Variants in ETV6 observed in about 807,000 individuals in gnomAD.
ETV6 encodes ETS variant transcription factor 6.
A neutral mutation model predicts 51.1 loss-of-function variants in ETV6; 16 were observed. That is an observed-to-expected ratio of 0.31 (90% CI 0.21 to 0.48). ETV6 has a LOEUF of 0.48. Among genes scored for constraint, ETV6 ranks in the 20% least tolerant of loss-of-function variants. The pLI, the probability that ETV6 is intolerant of heterozygous loss-of-function variation, is 0.99. For missense variants in ETV6, 458 were observed against 594.8 expected, an observed-to-expected ratio of 0.77 and a Z score of 2.39; for synonymous variants, 240 against 224.1, an observed-to-expected ratio of 1.07 and a Z score of -0.64.
At chr12:11,796,938 C>T (rs1024254128) in intron 2 of ETV6, among the ~76,000 whole-genome samples, 1 of 152,100 alleles carries the variant, frequency 6.6e-6, no homozygotes, top group Non-Finnish European at 1.5e-5. Context: ...AAGCATGCCG[C>T]ACCATGCTCA....
At chr12:11,758,259 GA>G (rs1945034945) in intron 2 of ETV6, among the ~76,000 whole-genome samples, 1 of 152,166 alleles carries the variant, frequency 6.6e-6, no homozygotes, top group African/African-American at 2.4e-5. Flanking sequence ...GGGCTTCTTA[GA>G]AGTATCAGAG....
intron 3 of ETV6, among the ~76,000 whole-genome samples, chr12:11,846,251 A>AG (rs2136476767): frequency 6.6e-6 from 1 of 151,892 alleles, no homozygotes; most frequent in South Asian, 2.1e-4. Context: ...AAATGGCCAG[A>AG]GGGAATCTGA....
chr12:11,818,312 G>GT (rs1438390346), intron 2 of ETV6, among the ~76,000 whole-genome samples: 1 of 152,226 alleles, frequency 6.6e-6, no homozygotes, highest in African/African-American at 2.4e-5. Flanking sequence ...GAGGCCAGGA[G>GT]TTTGAGACCA....
chr12:11,753,575 A>T (rs554671079), intron 2 of ETV6, among the ~76,000 whole-genome samples: 6 of 152,326 alleles, frequency 3.9e-5, no homozygotes, highest in African/African-American at 1.2e-4. Context: ...CAGCAGGGTG[A>T]TGCTCTCCAG....
At chr12:11,763,848 A>C (rs1945126597) in intron 2 of ETV6, among the ~76,000 whole-genome samples, 3 of 152,242 alleles carry the variant, frequency 2.0e-5, no homozygotes. Context: ...AGATTCAGAA[A>C]GTGGCTGCCT....
intron 1 of ETV6, among the ~76,000 whole-genome samples, chr12:11,706,673 G>GGGA (rs1297863158): frequency 6.6e-6 from 1 of 152,222 alleles, no homozygotes; most frequent in African/African-American, 2.4e-5. Context: ...TGGAGAGGGT[G>GGGA]GGAGAGCACT....
chr12:11,703,848 A>G (rs1865027095), intron 1 of ETV6, among the ~76,000 whole-genome samples: 1 of 152,254 alleles, frequency 6.6e-6, no homozygotes, highest in Non-Finnish European at 1.5e-5. Context: ...AACTTTAGAA[A>G]GAGATAAGTA....
At chr12:11,760,871 TATATA>T (rs1565515596) in intron 2 of ETV6, among the ~76,000 whole-genome samples, 3 of 98,688 alleles carry the variant, frequency 3.0e-5, no homozygotes, top group African/African-American at 9.2e-5. Context: ...CTACTATTAT[TATATA>T]TATGTGTGTG....
At position 11,891,070 on chromosome 12, in the gene ETV6, G is replaced by A. The variant is rs568624894; in HGVS notation, c.*24G>A. On this transcript the variant is annotated 3_prime_UTR_variant, in exon 8 of 8. Coordinates refer to ENST00000396373, the MANE Select transcript of ETV6 (RefSeq NM_001987.5). Reference sequence around the variant, plus strand: ...GAAGGAACCAACAGTCCACCTCAGCGGGCCAGCAGCCCAGGGAACCCCTGC... The same window carrying A: ...GAAGGAACCAACAGTCCACCTCAGCAGGCCAGCAGCCCAGGGAACCCCTGC... The A allele has an allele frequency of 2.7e-5, 42 of 1,578,162 alleles. No homozygotes were observed. Among genetic ancestry groups the A allele is most frequent in the Middle Eastern group, 3.3e-4 (2 of 5,976 alleles).
At chr12:11,825,767 G>T (rs1366153583) in intron 2 of ETV6, 1 of 150,934 alleles carries the variant, frequency 6.6e-6, no homozygotes, top group East Asian at 1.9e-4. Context: ...TTATAACGTG[G>T]TTAAGAGAGA....
At chr12:11,822,063 G>T (rs776308615) in intron 2 of ETV6, among the ~76,000 whole-genome samples, 1 of 152,192 alleles carries the variant, frequency 6.6e-6, no homozygotes, top group African/African-American at 2.4e-5. Flanking sequence ...GGCCGTGCAC[G>T]AATGCACTAA....
At position 11,883,276 on chromosome 12, in the gene ETV6, C is replaced by CTTCTTCTTTTTTTTTTTT. The variant is rs776231778; in HGVS notation, c.1010-1167_1010-1166insCTTCTTTTTTTTTTTTTT. 7.2e-4 allele frequency among the ~76,000 whole-genome samples: 57 copies of CTTCTTCTTTTTTTTTTTT among 79,092 alleles called. 1 individual carries two copies. The highest frequency in any genetic ancestry group is 6.9e-3 in the Middle Eastern group (1 of 144). 51.9% of individuals were successfully genotyped at this position (79,092 alleles called of 152,430 possible). ...GGGAAGGTGTACATCATGTCTTCTT[C>CTTCTTCTTTTTTTTTTTT]TTTTTTTTTTTTTTTTTTTTTTTTT... On this transcript the variant is annotated intron_variant, in intron 5 of 7. Coordinates refer to ENST00000396373, the MANE Select transcript of ETV6 (RefSeq NM_001987.5).
In ETV6 at chr12:11,859,725, A is replaced by G. The variant is rs1946685862; in HGVS notation, c.463+6164A>G. 2.0e-5 allele frequency among the ~76,000 whole-genome samples: 3 copies of G among 152,168 alleles called. No homozygotes were observed. The South Asian group carries it at 6.2e-4, about 32-fold the overall frequency. On this transcript the variant is annotated intron_variant, in intron 4 of 7. Coordinates refer to ENST00000396373, the MANE Select transcript of ETV6 (RefSeq NM_001987.5). Reference sequence around the variant, plus strand: ...GCGCAGAATGAGGAGACCAAAATACATTTTCATAAATATTTGTAGTGTAGG... The same window carrying G: ...GCGCAGAATGAGGAGACCAAAATACGTTTTCATAAATATTTGTAGTGTAGG...
At chr12:11,774,377 G>C (rs1273404641) in intron 2 of ETV6, among the ~76,000 whole-genome samples, 3 of 152,220 alleles carry the variant, frequency 2.0e-5, no homozygotes, top group African/African-American at 7.2e-5. Context: ...TTAGAATACT[G>C]GGGCTTGTGC....
chr12:11,672,469 C>T (rs535565110), intron 1 of ETV6, among the ~76,000 whole-genome samples: 2 of 152,296 alleles, frequency 1.3e-5, no homozygotes, highest in East Asian at 1.9e-4. Context: ...ACGCTCTTGC[C>T]AGCCCCCCTC....
At chr12:11,830,652 G>A (rs1215149217) in intron 2 of ETV6, among the ~76,000 whole-genome samples, 1 of 152,196 alleles carries the variant, frequency 6.6e-6, no homozygotes, top group Non-Finnish European at 1.5e-5. Flanking sequence ...GGACTGCCTA[G>A]GAATGGAAAT....
At chr12:11,651,875 G>T (rs776807384) in intron 1 of ETV6, among the ~76,000 whole-genome samples, 23 of 152,146 alleles carry the variant, frequency 1.5e-4, no homozygotes, top group Non-Finnish European at 2.5e-4. Context: ...GACGTTTCTT[G>T]ATCCTCTTCT....
At chr12:11,834,771 TC>T (rs1946291208) in intron 2 of ETV6, among the ~76,000 whole-genome samples, 1 of 152,230 alleles carries the variant, frequency 6.6e-6, no homozygotes, top group African/African-American at 2.4e-5. Context: ...TAGAAAAAGA[TC>T]CTGGCTGTAA....
At chr12:11,696,558 C>T (rs1401791099) in intron 1 of ETV6, among the ~76,000 whole-genome samples, 2 of 152,176 alleles carry the variant, frequency 1.3e-5, no homozygotes, top group East Asian at 1.9e-4. Context: ...GTGGCTCACA[C>T]CTGTAATCCC....
Sources: gnomAD v4.1 joint callset for allele counts (sites outside exome capture counted in the v4.1 genomes callset) on GRCh38, gnomAD v4.1.1 for gene constraint, MANE v1.5 for transcripts, NCBI Gene and HGNC (gene_info 2026-07-23, HGNC 2026-07-21) for gene names.